The following DST variants were observed in gnomAD, a reference collection of about 807,000 sequenced individuals.
The protein encoded by DST is bullous pemphigoid antigen.
A neutral mutation model predicts 875.2 loss-of-function variants in DST; 253 were observed. The ratio of observed to expected loss-of-function variants is 0.29; its 90% CI spans 0.26 to 0.32. DST has a LOEUF of 0.32. Among genes scored for constraint, DST ranks in the 10% least tolerant of loss-of-function variants. The pLI is 1.00. For missense variants in DST, 8,287 were observed against 9,111.6 expected (o/e 0.91, Z 3.68); for synonymous variants, 3,124 against 3,197.1 (o/e 0.98, Z 0.77).
rs1351909099 is a variant in DST, at chr6:56,634,510, C to A, written c.3446G>T (p.Cys1149Phe). 6.2e-7 allele frequency: 1 copy of A among 1,614,198 alleles called. No individual in the cohort carries two copies. Among genetic ancestry groups the A allele is most frequent in the South Asian group, 1.1e-5 (1 of 91,080 alleles). Reference sequence around the variant, plus strand: ...TTTGTTTGGTGGAGGAACGGTGAAGCACACAGATGGGACCATAGCCTCATT... The same window carrying A: ...TTTGTTTGGTGGAGGAACGGTGAAGAACACAGATGGGACCATAGCCTCATT... Reference protein sequence around the residue: ...TGNEAMVPSVCFTVPPPNKEA... With the variant: ...TGNEAMVPSVFFTVPPPNKEA... Residue 1149 changes from cysteine (C) to phenylalanine (F), a missense_variant, in exon 26 of 104, where the codon TGC (cysteine) becomes TTC (phenylalanine). Cys to Phe is a radical substitution (Grantham distance 205). Transcript: ENST00000680361.
At chr6:56,909,129 C>T (rs1430692231) in intron 2 of DST, among the ~76,000 whole-genome samples, 1 of 152,186 alleles carries the variant, frequency 6.6e-6, no homozygotes, top group Non-Finnish European at 1.5e-5. Context: ...TCCTGTAACA[C>T]CACTAGATCT....
chr6:56,522,863 C>T (rs1217362902), intron 69 of DST, among the ~76,000 whole-genome samples: 1 of 152,074 alleles, frequency 6.6e-6, no homozygotes, highest in East Asian at 1.9e-4. Flanking sequence ...TGCTCTGAGG[C>T]TTAAAGAATC....
chr6:56,630,462 G>T lies in DST; in HGVS notation c.4143-79C>A, dbSNP rs1188119493. The T allele has an allele frequency of 5.8e-6, 7 of 1,201,568 alleles. No homozygotes were observed. The African/African-American group carries it at 1.0e-4, about 18-fold the overall frequency. 74.4% of individuals were successfully genotyped at this position (1,201,568 alleles called of 1,614,324 possible). A position where few individuals can be genotyped will look rare whatever the true frequency, so the allele number is the denominator to read the frequency against. On this transcript the variant is annotated intron_variant, in intron 30 of 103. Transcript: ENST00000680361. The stretch of plus-strand genomic sequence containing the variant: ...TAATGTAGTCCTGAAGCACCATTAT[G>T]ACACATGACATAACATGTTCTTCAC...
chr6:56,561,652 T>TC, intron 56 of DST, 103 bp from the exon 57 acceptor site: 2 of 1,147,456 alleles, frequency 1.7e-6, no homozygotes, highest in South Asian at 1.6e-5. Context: ...CACTTCTAGC[T>TC]TGTCATTATT....
At chr6:56,647,399 A>G (rs905903811) in intron 13 of DST, among the ~76,000 whole-genome samples, 9 of 152,072 alleles carry the variant, frequency 5.9e-5, no homozygotes, top group African/African-American at 1.9e-4. Flanking sequence ...CCAAGGACAA[A>G]CTCCCCGTGG....
intron 4 of DST, among the ~76,000 whole-genome samples, chr6:56,782,834 C>T (rs912250374): frequency 2.0e-5 from 3 of 152,070 alleles, no homozygotes; most frequent in Non-Finnish European, 4.4e-5. Flanking sequence ...AATTTTGGAT[C>T]TTTCCTGCTT....
chr6:56,809,843 CT>C (rs1257178825), intron 4 of DST, among the ~76,000 whole-genome samples: 5 of 152,284 alleles, frequency 3.3e-5, no homozygotes, highest in Non-Finnish European at 5.9e-5. Context: ...TCATTTTCCC[CT>C]AAGAAATTAT....
intron 45 of DST, among the ~76,000 whole-genome samples, chr6:56,599,678 CAAGA>C (rs1341963746): frequency 6.6e-6 from 1 of 151,940 alleles, no homozygotes; most frequent in Non-Finnish European, 1.5e-5. Flanking sequence ...GAACAAATCA[CAAGA>C]AAGAAGGAGT....
intron 3 of DST, among the ~76,000 whole-genome samples, chr6:56,898,159 G>T (rs766162390): frequency 2.0e-5 from 3 of 152,002 alleles, no homozygotes; most frequent in African/African-American, 7.3e-5. Context: ...TTTTTTGCTG[G>T]GGTAGCTGCT....
Position 56,906,169 on chromosome 6 carries a change from C to T in DST, c.217-5548G>A, listed in dbSNP as rs576880648. Among the ~76,000 whole-genome samples the T allele has an allele frequency of 3.3e-5, 5 of 152,220 alleles. No homozygotes were observed. In the East Asian group the frequency reaches 5.8e-4, roughly 18 times the overall value. On this transcript the variant is annotated intron_variant, in intron 2 of 103. Coordinates refer to ENST00000680361, the MANE Select transcript of DST (RefSeq NM_001374736.1). ...GAAACCACCATACTGTTTTGCATAGCGGCTACACCAGTTTACATTCCCACC... is the reference window on the plus strand; with the variant it reads ...GAAACCACCATACTGTTTTGCATAGTGGCTACACCAGTTTACATTCCCACC...
intron 37 of DST, among the ~76,000 whole-genome samples, chr6:56,612,423 C>A (rs1250886860): frequency 6.6e-6 from 1 of 152,102 alleles, no homozygotes; most frequent in Non-Finnish European, 1.5e-5. Context: ...ATGCTAAGAC[C>A]CACTTTGTAA....
intron 3 of DST, among the ~76,000 whole-genome samples, chr6:56,863,435 G>T (rs1265385881): frequency 6.6e-6 from 1 of 152,098 alleles, no homozygotes; most frequent in Non-Finnish European, 1.5e-5. Context: ...TGTTCCCACT[G>T]CATTTATGAA....
At chr6:56,797,058 T>A (rs929339687) in intron 4 of DST, among the ~76,000 whole-genome samples, 2 of 152,236 alleles carry the variant, frequency 1.3e-5, no homozygotes, top group Non-Finnish European at 2.9e-5. Context: ...TCCAACAGCA[T>A]GGGCTCACTT....
intron 90 of DST, among the ~76,000 whole-genome samples, chr6:56,480,765 T>C (rs1056562099): frequency 6.6e-6 from 1 of 152,162 alleles, no homozygotes; most frequent in African/African-American, 2.4e-5. Flanking sequence ...TTCCTGGTCC[T>C]GGTGTGAGAG....
At chr6:56,725,944 A>G (rs1243201412) in intron 5 of DST, among the ~76,000 whole-genome samples, 1 of 152,158 alleles carries the variant, frequency 6.6e-6, no homozygotes, top group Non-Finnish European at 1.5e-5. Context: ...AATCACAAAC[A>G]AGATTACTTG....
At chr6:56,843,361 C>T (rs992389328) in intron 4 of DST, 4 of 1,182,878 alleles carry the variant, frequency 3.4e-6, no homozygotes, top group Non-Finnish European at 4.2e-6. Flanking sequence ...CCGGGCAGGC[C>T]GATGGTGGGC....
At chr6:56,632,408 T>C (rs1239572710) in intron 28 of DST, among the ~76,000 whole-genome samples, 1 of 152,098 alleles carries the variant, frequency 6.6e-6, no homozygotes, top group Non-Finnish European at 1.5e-5. Flanking sequence ...ATGTTTAAGA[T>C]TTTTAAAAAA....
At chr6:56,752,743 C>T (rs184233364) in intron 4 of DST, among the ~76,000 whole-genome samples, 4 of 152,284 alleles carry the variant, frequency 2.6e-5, no homozygotes, top group Admixed American at 2.6e-4. Flanking sequence ...TGGACACTTT[C>T]CAATACAATA....
intron 57 of DST, 113 bp from the exon 58 acceptor site, chr6:56,560,536 A>G (rs553222533): frequency 8.5e-5 from 101 of 1,193,008 alleles, no homozygotes; most frequent in Middle Eastern, 7.0e-4. Flanking sequence ...ATCTACTGTT[A>G]AATGTTGTGG....
Sources: gnomAD v4.1 joint callset for allele counts (sites outside exome capture counted in the v4.1 genomes callset) on GRCh38, gnomAD v4.1.1 for gene constraint, MANE v1.5 for transcripts, NCBI Gene and HGNC (gene_info 2026-07-23, HGNC 2026-07-21) for gene names.